The following UST variants were observed in gnomAD, a reference collection of about 807,000 sequenced individuals.
UST encodes the protein chondroitin sulfate 2-O-sulfotransferase.
In UST, 21 loss-of-function variants were observed where a neutral mutation model predicts 45.6. The ratio of observed to expected loss-of-function variants is 0.46; its 90% CI spans 0.33 to 0.66. The LOEUF is 0.66. Among genes scored for constraint, UST ranks in the 30% least tolerant of loss-of-function variants. UST has a pLI of 0.02. For missense variants in UST, 463 were observed against 512.4 expected (o/e 0.90, Z 0.93); for synonymous variants, 215 against 200.6 (o/e 1.07, Z -0.61).
intron 1 of UST, among the ~76,000 whole-genome samples, chr6:148,795,777 CTGTTA>C (rs1776937512): frequency 6.6e-6 from 1 of 152,042 alleles, no homozygotes; most frequent in Non-Finnish European, 1.5e-5. Context: ...ATTTGTATAC[CTGTTA>C]TGTCAGGTAT....
chr6:149,042,666 T>C (rs1282337702), intron 7 of UST, among the ~76,000 whole-genome samples: 1 of 152,242 alleles, frequency 6.6e-6, no homozygotes, highest in Admixed American at 6.5e-5. Context: ...TTTTCAGTAG[T>C]ACTTTTCCTC....
At chr6:148,975,191 A>G (rs969390567) in intron 5 of UST, among the ~76,000 whole-genome samples, 1 of 152,236 alleles carries the variant, frequency 6.6e-6, no homozygotes, top group Non-Finnish European at 1.5e-5. Flanking sequence ...TTCTCTTGGT[A>G]ACTATTACTC....
chr6:149,026,036 T>C (rs1001501237), intron 7 of UST, among the ~76,000 whole-genome samples: 3 of 151,794 alleles, frequency 2.0e-5, no homozygotes, highest in Admixed American at 2.0e-4. Flanking sequence ...TAATCCCAGC[T>C]ACTCTGGAGG....
chr6:148,856,178 G>T lies in UST; in HGVS notation c.248-30808G>T, dbSNP rs1454518750. On this transcript the variant is annotated intron_variant, in intron 1 of 7. Transcript: ENST00000367463. ...ATTACAGGTGCGTGTCACCATACCCGGCTAATTTTTGTAGTTTTTAGTAGA... is the reference window on the plus strand; with the variant it reads ...ATTACAGGTGCGTGTCACCATACCCTGCTAATTTTTGTAGTTTTTAGTAGA... 2.0e-5 allele frequency among the ~76,000 whole-genome samples: 3 copies of T among 151,946 alleles called. No individual in the cohort carries two copies. The South Asian group carries it at 6.2e-4, about 32-fold the overall frequency.
rs1004247200 is a variant in UST, at chr6:149,019,591, C to T, written c.779+355C>T. On this transcript the variant is annotated intron_variant, in intron 6 of 7. Coordinates refer to ENST00000367463, the MANE Select transcript of UST (RefSeq NM_005715.3). ...GTCACATAAAATGTGATCGTGAAGA[C>T]CAGGAGCGAACACCCAGCCTGCTCC... Among the ~76,000 whole-genome samples the T allele has an allele frequency of 2.0e-4, 30 of 152,260 alleles. 1 individual carries two copies. Among genetic ancestry groups the T allele is most frequent in the Middle Eastern group, 3.4e-3 (1 of 294 alleles).
Position 148,934,259 on chromosome 6 carries a change from A to T in UST, c.292-7020A>T, listed in dbSNP as rs1779977634. Among the ~76,000 whole-genome samples, 1 of 152,172 alleles carries T rather than the reference A, an allele frequency of 6.6e-6. No individual in the cohort carries two copies. Among genetic ancestry groups the T allele is most frequent in the African/African-American group, 2.4e-5 (1 of 41,446 alleles). ...GCTCACAGTCCTATGGACAGTGAGG[A>T]ACAGAATTGTCCCTGAATTCAGGCC... On this transcript the variant is annotated intron_variant, in intron 2 of 7. Transcript: ENST00000367463. The surrounding 1 kb of genome is among the most constrained non-coding windows in gnomAD (Gnocchi z 4.1).
chr6:148,847,082 C>T (rs555984341), intron 1 of UST, among the ~76,000 whole-genome samples: 1 of 152,386 alleles, frequency 6.6e-6, no homozygotes, highest in South Asian at 2.1e-4. Context: ...CTTAGCTTGT[C>T]GACCTCTGAC....
At chr6:149,050,644 CATT>C (rs1562339999) in intron 7 of UST, among the ~76,000 whole-genome samples, 1 of 152,192 alleles carries the variant, frequency 6.6e-6, no homozygotes, top group East Asian at 1.9e-4. Flanking sequence ...GTATATTCCT[CATT>C]ATACTTTATC....
intron 5 of UST, among the ~76,000 whole-genome samples, chr6:148,989,018 A>T (rs1199846000): frequency 6.6e-6 from 1 of 152,186 alleles, no homozygotes; most frequent in East Asian, 1.9e-4. Context: ...CCTTCTCAGA[A>T]ATGCAGGAAC....
At chr6:148,910,135 T>C (rs76316334) in intron 2 of UST, among the ~76,000 whole-genome samples, 15 of 27,670 alleles carry the variant, frequency 5.4e-4, no homozygotes, top group Non-Finnish European at 9.5e-4. Context: ...CCTGGGATGC[T>C]TTTTTTTTTT....
At chr6:148,796,212 C>T (rs903720166) in intron 1 of UST, among the ~76,000 whole-genome samples, 1 of 152,126 alleles carries the variant, frequency 6.6e-6, no homozygotes, top group Non-Finnish European at 1.5e-5. Flanking sequence ...TATCCATACA[C>T]CTACAAGGGA....
In UST at chr6:149,067,831, C is replaced by T. The variant is rs138142960; in HGVS notation, c.938-6002C>T. On this transcript the variant is annotated intron_variant, in intron 7 of 7. Transcript: ENST00000367463. ...ATGCTGGTTATCACCAGAAGTCTGTCGTTTTCCGAACATGGTAAATACTAG... is the reference window on the plus strand; with the variant it reads ...ATGCTGGTTATCACCAGAAGTCTGTTGTTTTCCGAACATGGTAAATACTAG... 1.3e-4 allele frequency among the ~76,000 whole-genome samples: 20 copies of T among 152,268 alleles called. 1 individual carries two copies. The East Asian group carries it at 3.5e-3, about 26-fold the overall frequency.
In UST at chr6:148,814,641, CG is replaced by C. The variant is rs759047127; in HGVS notation, c.247+66966del. ...CTTCTGGCTGTACTAGGGGTTGATG[CG>C]GTTCACTGTGGTTGTTTGTAGACCT... is the stretch of plus-strand genomic sequence containing the variant. On this transcript the variant is annotated intron_variant, in intron 1 of 7. Transcript: ENST00000367463. 7.9e-5 allele frequency among the ~76,000 whole-genome samples: 12 copies of C among 152,124 alleles called. No homozygotes were observed. The East Asian group carries it at 1.7e-3, about 22-fold the overall frequency.
At chr6:148,886,519 AT>A (rs1341375204) in intron 1 of UST, among the ~76,000 whole-genome samples, 2 of 152,190 alleles carry the variant, frequency 1.3e-5, no homozygotes, top group Non-Finnish European at 2.9e-5. Context: ...GAAACAGACA[AT>A]TTTAAGACAA....
At chr6:148,780,650 G>A (rs1458732589) in intron 1 of UST, among the ~76,000 whole-genome samples, 1 of 152,138 alleles carries the variant, frequency 6.6e-6, no homozygotes, top group East Asian at 1.9e-4. Flanking sequence ...GTATTCCATG[G>A]TATATATGTA....
chr6:148,824,413 T>C (rs1777528581), intron 1 of UST, among the ~76,000 whole-genome samples: 1 of 152,200 alleles, frequency 6.6e-6, no homozygotes, highest in Non-Finnish European at 1.5e-5. Context: ...TGTACAGTAC[T>C]TGGTCAGCAA....
At chr6:148,767,238 A>G (rs193125382) in intron 1 of UST, among the ~76,000 whole-genome samples, 2 of 152,378 alleles carry the variant, frequency 1.3e-5, no homozygotes, top group Admixed American at 6.5e-5. Flanking sequence ...TTTCATAGAT[A>G]TCTTTTAAAC....
chr6:148,749,622 A>G (rs78584196), intron 1 of UST, among the ~76,000 whole-genome samples: 2 of 152,324 alleles, frequency 1.3e-5, no homozygotes, highest in African/African-American at 2.4e-5. Flanking sequence ...AGGAAGGGAA[A>G]TTCTGGGAGG....
chr6:148,770,035 GA>G (rs1776392608), intron 1 of UST, among the ~76,000 whole-genome samples: 1 of 151,994 alleles, frequency 6.6e-6, no homozygotes. Flanking sequence ...GAACGATTAA[GA>G]GTTCTAAAAC....
Sources: allele counts gnomAD v4.1 joint callset (sites outside exome capture counted in the v4.1 genomes callset), GRCh38; gene constraint gnomAD v4.1.1; non-coding constraint Gnocchi (gnomAD v3.1); transcripts MANE v1.5; gene names NCBI Gene and HGNC (gene_info 2026-07-23, HGNC 2026-07-21).